The following ACADSB variants were observed in gnomAD, a reference collection of about 807,000 sequenced individuals.
ACADSB encodes acyl-CoA dehydrogenase short/branched chain, also known as short/branched chain specific acyl-CoA dehydrogenase, mitochondrial.
ACADSB carries 40 observed loss-of-function variants against 54.1 expected under a neutral mutation model. The observed-to-expected ratio is 0.74, with a 90% CI of 0.57 to 0.96. ACADSB has a LOEUF of 0.96. ACADSB is among the 40% of genes least tolerant of loss of function. ACADSB has a pLI of 0.00. For synonymous variants in ACADSB, 182 were observed against 182.8 expected (o/e 1.00, Z 0.03); for missense variants, 530 against 510.4 (o/e 1.04, Z -0.37).
At chr10:123,049,781 G>A (rs545256762) in intron 8 of ACADSB, among the ~76,000 whole-genome samples, 13 of 152,286 alleles carry the variant, frequency 8.5e-5, no homozygotes, top group South Asian at 8.3e-4. Context: ...ATGTAAAGAC[G>A]TGATCTTAAA....
chr10:123,042,759 A>G (rs916942363), intron 5 of ACADSB, among the ~76,000 whole-genome samples: 6 of 152,258 alleles, frequency 3.9e-5, no homozygotes, highest in African/African-American at 9.6e-5. Context: ...AAAACTTTAT[A>G]TAGTAAAATT....
At chr10:123,031,666 A>G (rs1473998446) in intron 1 of ACADSB, among the ~76,000 whole-genome samples, 1 of 152,210 alleles carries the variant, frequency 6.6e-6, no homozygotes, top group East Asian at 1.9e-4. Flanking sequence ...CTGCCGAAAA[A>G]TGTTAGGTAA....
At chr10:123,016,397 T>C (rs1338165783) in intron 1 of ACADSB, among the ~76,000 whole-genome samples, 1 of 149,728 alleles carries the variant, frequency 6.7e-6, no homozygotes, top group Non-Finnish European at 1.5e-5. Flanking sequence ...ATTGTCTTAT[T>C]TGAACACAGT....
At chr10:123,038,474 C>T (rs558870996) in intron 3 of ACADSB, among the ~76,000 whole-genome samples, 4 of 152,274 alleles carry the variant, frequency 2.6e-5, no homozygotes, top group South Asian at 2.1e-4. Context: ...CAAGTAAAAC[C>T]GCTCTCACTG....
intron 7 of ACADSB, 69 bp from the exon 8 acceptor site, chr10:123,047,140 A>C: frequency 1.6e-6 from 2 of 1,260,978 alleles, no homozygotes; most frequent in Non-Finnish European, 2.3e-6. Flanking sequence ...TTTAGAGGGA[A>C]TTCACAACTT....
intron 1 of ACADSB, 108 bp downstream of exon 1, chr10:123,009,179 G>C (rs752252664): frequency 1.1e-5 from 14 of 1,237,224 alleles, no homozygotes; most frequent in Admixed American, 2.0e-5. Flanking sequence ...CCTGAGCCCC[G>C]CTCCACGTCC....
At chr10:123,026,737 A>C (rs201331626) in intron 1 of ACADSB, among the ~76,000 whole-genome samples, 1 of 149,920 alleles carries the variant, frequency 6.7e-6, no homozygotes, top group African/African-American at 2.4e-5. Flanking sequence ...AAAAAAAAAA[A>C]GGAAGGCACA....
At chr10:123,049,528 A>C (rs1589745219) in intron 8 of ACADSB, among the ~76,000 whole-genome samples, 1 of 152,244 alleles carries the variant, frequency 6.6e-6, no homozygotes, top group Admixed American at 6.5e-5. Context: ...GTTTGCAAAA[A>C]TAATCAGAAT....
intron 1 of ACADSB, among the ~76,000 whole-genome samples, chr10:123,031,906 T>G (rs944030842): frequency 6.6e-6 from 1 of 152,170 alleles, no homozygotes; most frequent in Non-Finnish European, 1.5e-5. Context: ...CACAGTTGTG[T>G]CCGTGGGAAA....
Position 123,057,060 on chromosome 10 carries a change from G to C in ACADSB, c.*3295G>C, listed in dbSNP as rs1850718297. 6.6e-6 allele frequency: 1 copy of C among 152,630 alleles called. No homozygotes were observed. Among genetic ancestry groups the C allele is most frequent in the Admixed American group, 6.5e-5 (1 of 15,280 alleles). 9.5% of individuals were successfully genotyped at this position (152,630 alleles called of 1,614,324 possible). On this transcript the variant is annotated 3_prime_UTR_variant, in exon 11 of 11. Transcript: ENST00000358776. ...TATGACATGGATGAAATGCCCTACA[G>C]GGGCCTTGGACATCTTTAATTTCTG...
chr10:123,033,523 G>A (rs1244777956), intron 1 of ACADSB, among the ~76,000 whole-genome samples: 4 of 152,148 alleles, frequency 2.6e-5, no homozygotes, highest in Non-Finnish European at 5.9e-5. Context: ...TAACTAGATC[G>A]TTACTGCTGC....
intron 5 of ACADSB, 46 bp from the exon 6 acceptor site, chr10:123,043,000 G>A (rs184542475): frequency 1.6e-5 from 26 of 1,603,998 alleles, no homozygotes; most frequent in Non-Finnish European, 1.7e-5. Flanking sequence ...GAAACAAGGC[G>A]TTTTATAAAT....
chr10:123,039,868 A>G (rs186120674), intron 3 of ACADSB, among the ~76,000 whole-genome samples: 105 of 152,322 alleles, frequency 6.9e-4, no homozygotes, highest in African/African-American at 2.3e-3. Context: ...TTCTCATTCC[A>G]TTAAGCTACC....
intron 1 of ACADSB, among the ~76,000 whole-genome samples, chr10:123,011,723 C>T (rs1005176023): frequency 3.3e-5 from 5 of 151,996 alleles, no homozygotes; most frequent in Admixed American, 3.3e-4. Context: ...GATGGGGTTT[C>T]ACCATCTTGG....
intron 1 of ACADSB, among the ~76,000 whole-genome samples, chr10:123,012,728 G>A (rs1013993226): frequency 2.0e-5 from 3 of 152,148 alleles, no homozygotes; most frequent in African/African-American, 4.8e-5. Flanking sequence ...AGACCTTCGC[G>A]GTGAGTGTTA....
chr10:123,042,457 CTTTTTTTTTTT>C (rs60480402), intron 5 of ACADSB, among the ~76,000 whole-genome samples: 1 of 115,794 alleles, frequency 8.6e-6, no homozygotes, highest in Admixed American at 1.1e-4. Flanking sequence ...ATTGTTAAAA[CTTTTTTTTTTT>C]TTTTTTTTTG....
intron 1 of ACADSB, among the ~76,000 whole-genome samples, chr10:123,030,572 C>A (rs1213200362): frequency 6.6e-6 from 1 of 151,854 alleles, no homozygotes; most frequent in African/African-American, 2.4e-5. Flanking sequence ...CTTCTTTCTC[C>A]CCACAACCTT....
At chr10:123,011,231 C>T (rs1850029973) in intron 1 of ACADSB, among the ~76,000 whole-genome samples, 1 of 152,222 alleles carries the variant, frequency 6.6e-6, no homozygotes, top group African/African-American at 2.4e-5. Context: ...AGACCAGGGA[C>T]AGCATTTTAC....
chr10:123,024,183 G>A (rs1850218877), intron 1 of ACADSB, among the ~76,000 whole-genome samples: 1 of 152,282 alleles, frequency 6.6e-6, no homozygotes, highest in Non-Finnish European at 1.5e-5. Flanking sequence ...GTAATGATAG[G>A]AGCTGGAGGC....
Sources: gnomAD v4.1 joint callset for allele counts (sites outside exome capture counted in the v4.1 genomes callset) on GRCh38, gnomAD v4.1.1 for gene constraint, MANE v1.5 for transcripts, NCBI Gene and HGNC (gene_info 2026-07-23, HGNC 2026-07-21) for gene names.